The following DOCK4 variants were observed in gnomAD, a reference collection of about 807,000 sequenced individuals.
The protein encoded by DOCK4 is dedicator of cytokinesis protein 4.
In DOCK4, 97 loss-of-function variants were observed where a neutral mutation model predicts 268.1. The observed-to-expected ratio is 0.36, with a 90% CI of 0.31 to 0.43. The LOEUF (loss-of-function observed/expected upper bound fraction) is 0.43, where lower values mean the gene tolerates loss of function less well. Ranked by LOEUF, DOCK4 falls within the 20% of genes least tolerant of loss-of-function variation. The probability of loss-of-function intolerance (pLI) is 1.00; values close to 1 mark genes in which losing one functional copy is unlikely to be tolerated. For missense variants in DOCK4, 2,145 were observed against 2,455.7 expected (o/e 0.87, Z 2.67); for synonymous variants, 954 against 887.2 (o/e 1.08, Z -1.34).
intron 13 of DOCK4, among the ~76,000 whole-genome samples, chr7:111,906,410 A>G (rs1024193575): frequency 6.6e-5 from 10 of 152,208 alleles, no homozygotes; most frequent in East Asian, 1.9e-4. Context: ...TTGGTCCAAC[A>G]TAAGTCATTT....
chr7:111,761,539 G>A lies in DOCK4; in HGVS notation c.4021-1217C>T, dbSNP rs115531640. Among the ~76,000 whole-genome samples the A allele has an allele frequency of 5.9e-3, 905 of 152,198 alleles. 7 individuals carry two copies. The highest frequency in any genetic ancestry group is 0.021 in the African/African-American group (881 of 41,528). ...AGGCCCTGGAGATCTTCAAGTTAAG[G>A]GGAGATCAGTTTGGGGCCTAGAGGA... On this transcript the variant is annotated intron_variant, in intron 39 of 52. Coordinates refer to ENST00000428084, the MANE Select transcript of DOCK4 (RefSeq NM_001363540.2).
chr7:112,128,323 G>A (rs935306416), intron 1 of DOCK4, among the ~76,000 whole-genome samples: 17 of 151,960 alleles, frequency 1.1e-4, no homozygotes, highest in Non-Finnish European at 1.5e-4. Flanking sequence ...CCGGCCAGCC[G>A]CCCCGTCCGG....
At chr7:111,819,888 T>C (rs1801847086) in intron 27 of DOCK4, 1 of 152,196 alleles carries the variant, frequency 6.6e-6, no homozygotes, top group Non-Finnish European at 1.5e-5. Flanking sequence ...GTTGAAACTA[T>C]GGAAGAAAAG....
rs1486889824 is a variant in DOCK4, at chr7:111,991,951, ACT to A, written c.315+2182_315+2183del. On this transcript the variant is annotated intron_variant, in intron 5 of 52. Transcript: ENST00000428084. ...ACTCCAGCCTGGGCAACAGAGAGAG[ACT>A]CTGTCTCCAAAAAAAAAAAAAAAAA... Among the ~76,000 whole-genome samples, 410 of 106,136 alleles carry A rather than the reference ACT, an allele frequency of 3.9e-3. 2 individuals carry two copies. Among genetic ancestry groups the A allele is most frequent in the African/African-American group, 0.015 (384 of 25,008 alleles). The allele number at this position is 106,136 out of a possible 152,430, so 69.6% of individuals were successfully genotyped here.
intron 1 of DOCK4, among the ~76,000 whole-genome samples, chr7:112,129,459 G>A (rs957628756): frequency 5.3e-5 from 8 of 152,010 alleles, no homozygotes; most frequent in Admixed American, 2.6e-4. Context: ...TATTGTGGTC[G>A]TTACATATAC....
At chr7:112,010,362 G>A (rs1801190874) in intron 1 of DOCK4, among the ~76,000 whole-genome samples, 1 of 152,202 alleles carries the variant, frequency 6.6e-6, no homozygotes, top group African/African-American at 2.4e-5. Flanking sequence ...CATTTTGAAA[G>A]TATAGCATAG....
chr7:112,001,995 C>T lies in DOCK4; in HGVS notation c.122-1461G>A, dbSNP rs149382684. Among the ~76,000 whole-genome samples the T allele has an allele frequency of 3.6e-3, 549 of 152,184 alleles. 5 individuals are homozygous for T. Among genetic ancestry groups the T allele is most frequent in the African/African-American group, 0.012 (513 of 41,518 alleles). On this transcript the variant is annotated intron_variant, in intron 2 of 52. Coordinates refer to ENST00000428084, the MANE Select transcript of DOCK4 (RefSeq NM_001363540.2). ...TTTCAAGTGTAAAGACCATTTTGCT[C>T]ATTGGCAAAAAAATTATTATACTAT...
Position 111,728,484 on chromosome 7 carries a change from G to GC in DOCK4, c.5717dup (p.Ser1906ArgfsTer55). The GC allele has an allele frequency of 6.2e-7, 1 of 1,612,724 alleles. No homozygotes were observed. The highest frequency in any genetic ancestry group is 8.5e-7 in the Non-Finnish European group (1 of 1,179,530). ...AGACGCTGTACGGGGGCGGAGTCTT[G>GC]CTCTCCTTGCGCACTGGCTCCTCCC... On this transcript the variant is annotated frameshift_variant, in exon 53 of 53. Coordinates refer to ENST00000428084, the MANE Select transcript of DOCK4 (RefSeq NM_001363540.2). LOFTEE classifies it high-confidence loss of function.
chr7:111,884,087 T>C (rs992801348), intron 16 of DOCK4, among the ~76,000 whole-genome samples: 1 of 152,174 alleles, frequency 6.6e-6, no homozygotes, highest in African/African-American at 2.4e-5. Flanking sequence ...AGGATTACAC[T>C]AGATAGGGGG....
At chr7:112,120,838 G>T (rs1459291735) in intron 1 of DOCK4, among the ~76,000 whole-genome samples, 2 of 152,138 alleles carry the variant, frequency 1.3e-5, no homozygotes, top group Non-Finnish European at 2.9e-5. Context: ...GCTAATTTTA[G>T]AATAATTCAA....
intron 1 of DOCK4, among the ~76,000 whole-genome samples, chr7:112,203,290 C>A (rs966346226): frequency 6.6e-6 from 1 of 152,186 alleles, no homozygotes; most frequent in Non-Finnish European, 1.5e-5. Flanking sequence ...ACTATAACTT[C>A]ATCACTATAC....
chr7:112,204,149 T>G, intron 1 of DOCK4, among the ~76,000 whole-genome samples: 1 of 152,048 alleles, frequency 6.6e-6, no homozygotes, highest in East Asian at 1.9e-4. Context: ...TAATATCCGG[T>G]TTGCCATTCC....
chr7:111,961,197 G>A (rs1380519339), intron 8 of DOCK4, among the ~76,000 whole-genome samples: 2 of 152,056 alleles, frequency 1.3e-5, no homozygotes, highest in Non-Finnish European at 2.9e-5. Flanking sequence ...AAAAGATCAA[G>A]GCCACAAACC....
chr7:111,828,876 G>A (rs868531860), intron 26 of DOCK4, among the ~76,000 whole-genome samples: 220 of 122,406 alleles, frequency 1.8e-3, no homozygotes, highest in African/African-American at 0.01. Flanking sequence ...CTAAAAATGT[G>A]TGTGTGTGTG....
chr7:112,203,221 T>C (rs1021175447), intron 1 of DOCK4, among the ~76,000 whole-genome samples: 20 of 152,186 alleles, frequency 1.3e-4, no homozygotes, highest in African/African-American at 4.8e-4. Flanking sequence ...AAGGTGAAAT[T>C]GCCTATCACT....
intron 1 of DOCK4, among the ~76,000 whole-genome samples, chr7:112,192,263 AAG>A (rs985364181): frequency 2.0e-5 from 3 of 151,878 alleles, no homozygotes; most frequent in African/African-American, 7.3e-5. Context: ...TGACAGGAAT[AAG>A]AGGGGACAAG....
chr7:112,143,787 C>T (rs1324173317), intron 1 of DOCK4, among the ~76,000 whole-genome samples: 3 of 152,164 alleles, frequency 2.0e-5, no homozygotes, highest in African/African-American at 7.2e-5. Flanking sequence ...AGGAAGCCTG[C>T]CAGGGCTAAC....
At chr7:112,061,029 C>T (rs1054691332) in intron 1 of DOCK4, among the ~76,000 whole-genome samples, 3 of 152,106 alleles carry the variant, frequency 2.0e-5, no homozygotes, top group Admixed American at 6.5e-5. Flanking sequence ...AACTTATAAT[C>T]CCTCATGTCC....
intron 1 of DOCK4, among the ~76,000 whole-genome samples, chr7:112,183,205 A>G (rs940302563): frequency 6.6e-6 from 1 of 152,200 alleles, no homozygotes; most frequent in African/African-American, 2.4e-5. Context: ...TTGAGTAGAA[A>G]AGGGAAGGAG....
Sources: allele counts gnomAD v4.1 joint callset (sites outside exome capture counted in the v4.1 genomes callset), GRCh38; gene constraint gnomAD v4.1.1; transcripts MANE v1.5; gene names NCBI Gene and HGNC (gene_info 2026-07-23, HGNC 2026-07-21).